The following NSUN6 variants were observed in gnomAD, a reference collection of about 807,000 sequenced individuals.
The protein encoded by NSUN6 is tRNA (cytosine(72)-C(5))-methyltransferase NSUN6.
Under a neutral mutation model 58.0 loss-of-function variants are expected in NSUN6, and 64 were observed. The observed-to-expected ratio is 1.10, with a 90% confidence interval of 0.90 to 1.36. NSUN6 has a LOEUF of 1.36. Ranked by LOEUF, NSUN6 falls within the 40% of genes most tolerant of loss-of-function variation. NSUN6 has a pLI of 0.00. For missense variants in NSUN6, 701 were observed against 550.1 expected, an observed-to-expected ratio of 1.27 and a Z score of -2.74; for synonymous variants, 231 against 193.9, an observed-to-expected ratio of 1.19 and a Z score of -1.59.
chr10:18,583,570 C>G (rs2056998437), intron 8 of NSUN6, among the ~76,000 whole-genome samples: 1 of 152,074 alleles, frequency 6.6e-6, no homozygotes, highest in Admixed American at 6.6e-5. Flanking sequence ...CAGGCAAAAA[C>G]TTTAAAGCAG....
At chr10:18,624,907 T>G (rs866680250) in intron 3 of NSUN6, among the ~76,000 whole-genome samples, 3 of 152,154 alleles carry the variant, frequency 2.0e-5, no homozygotes, top group South Asian at 4.1e-4. Flanking sequence ...TACAAACACA[T>G]GTTTATTCGG....
At chr10:18,643,867 C>T (rs1233175895) in intron 2 of NSUN6, among the ~76,000 whole-genome samples, 1 of 152,168 alleles carries the variant, frequency 6.6e-6, no homozygotes, top group East Asian at 1.9e-4. Context: ...GTCATTGTCT[C>T]TCCCTTTCGA....
intron 8 of NSUN6, among the ~76,000 whole-genome samples, chr10:18,556,952 T>C (rs2055074049): frequency 7.0e-6 from 1 of 143,672 alleles, no homozygotes; most frequent in African/African-American, 2.6e-5. Context: ...TGGAAGGGAA[T>C]GGAATGGAGA....
chr10:18,624,434 G>A (rs1302784607), intron 3 of NSUN6, among the ~76,000 whole-genome samples: 1 of 151,860 alleles, frequency 6.6e-6, no homozygotes, highest in East Asian at 1.9e-4. Context: ...CCAGCACTTT[G>A]GGAGGCTGAG....
chr10:18,631,756 G>A (rs1210340780), intron 3 of NSUN6, among the ~76,000 whole-genome samples: 1 of 150,648 alleles, frequency 6.6e-6, no homozygotes, highest in Non-Finnish European at 1.5e-5. Flanking sequence ...AATAAAAGAG[G>A]ATACAAACAA....
At position 18,593,553 on chromosome 10, in the gene NSUN6, T is replaced by C. The variant is rs148500984; in HGVS notation, c.777+2655A>G. ...TAAAAATGAATGAATTCATGTCCTT[T>C]ACAGGGACATGGATGAAGCTGGAAG... On this transcript the variant is annotated intron_variant, in intron 7 of 10. Transcript: ENST00000377304. Among the ~76,000 whole-genome samples, 7 of 152,272 alleles carry C rather than the reference T, an allele frequency of 4.6e-5. No individual in the cohort carries two copies. The East Asian group carries it at 9.7e-4, about 21-fold the overall frequency.
At chr10:18,609,398 A>G (rs2058153708) in intron 6 of NSUN6, among the ~76,000 whole-genome samples, 1 of 152,038 alleles carries the variant, frequency 6.6e-6, no homozygotes, top group African/African-American at 2.4e-5. Context: ...TTCAGATACC[A>G]CCAGTTACCA....
At chr10:18,600,890 C>T (rs931629088) in intron 6 of NSUN6, among the ~76,000 whole-genome samples, 21 of 122,068 alleles carry the variant, frequency 1.7e-4, no homozygotes, top group Admixed American at 1.2e-3. Flanking sequence ...ATCATGCCAT[C>T]GTACTCCAGC....
At chr10:18,631,466 C>A (rs971109989) in intron 3 of NSUN6, among the ~76,000 whole-genome samples, 1 of 131,832 alleles carries the variant, frequency 7.6e-6, no homozygotes, top group Non-Finnish European at 1.6e-5. Context: ...GTCAAATTGT[C>A]CCTGTTTGCA....
At chr10:18,587,410 T>C (rs79603376) in intron 7 of NSUN6, among the ~76,000 whole-genome samples, 1,892 of 152,286 alleles carry the variant, frequency 0.012, 27 homozygotes, top group South Asian at 0.047. Flanking sequence ...TATTTTGGTA[T>C]GGTATAAAAC....
At chr10:18,574,852 A>G (rs1156432837) in intron 8 of NSUN6, among the ~76,000 whole-genome samples, 1 of 152,096 alleles carries the variant, frequency 6.6e-6, no homozygotes, top group Non-Finnish European at 1.5e-5. Context: ...TGCCAGAGGA[A>G]ACAACTATTG....
Position 18,603,555 on chromosome 10 carries a change from C to T in NSUN6, c.657+6290G>A, listed in dbSNP as rs528412477. ...GTGCAATCTAGGCTCACTTCAACCT[C>T]CGCCTCCCGGGTTCAAGTGATTCTC... On this transcript the variant is annotated intron_variant, in intron 6 of 10. Transcript: ENST00000377304. Among the ~76,000 whole-genome samples, 7 of 151,652 alleles carry T rather than the reference C, an allele frequency of 4.6e-5. No homozygotes were observed. In the South Asian group the frequency reaches 1.5e-3, roughly 32 times the overall value.
intron 8 of NSUN6, among the ~76,000 whole-genome samples, chr10:18,581,582 T>G (rs1304230895): frequency 2.6e-5 from 4 of 152,136 alleles, no homozygotes; most frequent in Admixed American, 2.0e-4. Context: ...ATTCCAGCAC[T>G]TTGGGAGGCC....
chr10:18,553,622 GA>G (rs1171003408), intron 8 of NSUN6, among the ~76,000 whole-genome samples: 1 of 151,158 alleles, frequency 6.6e-6, no homozygotes, highest in Non-Finnish European at 1.5e-5. Context: ...GCATGGAGTG[GA>G]ACGGAATGGA....
chr10:18,549,516 C>T (rs988985943), intron 9 of NSUN6, among the ~76,000 whole-genome samples: 5 of 152,148 alleles, frequency 3.3e-5, no homozygotes, highest in African/African-American at 1.2e-4. Context: ...TTCTAATATA[C>T]TAAAAAACTC....
At chr10:18,566,340 T>A (rs542565091) in intron 8 of NSUN6, among the ~76,000 whole-genome samples, 1 of 151,172 alleles carries the variant, frequency 6.6e-6, no homozygotes, top group Admixed American at 6.6e-5. Flanking sequence ...CCACAATCCA[T>A]TCCATTCCGC....
chr10:18,605,190 T>G (rs959086031), intron 6 of NSUN6, among the ~76,000 whole-genome samples: 9 of 147,244 alleles, frequency 6.1e-5, no homozygotes, highest in Non-Finnish European at 1.3e-4. Flanking sequence ...TAGCCGAGAC[T>G]CCCTTAAAAA....
upstream of NSUN6, chr10:18,651,675 T>G: frequency 2.0e-6 from 2 of 985,636 alleles, no homozygotes; most frequent in Non-Finnish European, 2.4e-6. Flanking sequence ...CCCCTCCCTT[T>G]CCGGTCCCCC....
intron 6 of NSUN6, among the ~76,000 whole-genome samples, chr10:18,600,959 T>TATACACAC: frequency 4.6e-5 from 3 of 64,928 alleles, no homozygotes; most frequent in African/African-American, 1.6e-4. Context: ...TATATATATA[T>TATACACAC]ACATATATAT....
Sources: gnomAD v4.1 joint callset for allele counts (sites outside exome capture counted in the v4.1 genomes callset) on GRCh38, gnomAD v4.1.1 for gene constraint, MANE v1.5 for transcripts, NCBI Gene and HGNC (gene_info 2026-07-23, HGNC 2026-07-21) for gene names.